ZBTB20: variants seen among roughly 807,000 people sequenced by gnomAD.
ZBTB20 encodes the protein zinc finger and BTB domain-containing protein 20.
A neutral mutation model predicts 56.9 loss-of-function variants in ZBTB20; 9 were observed. The ratio of observed to expected loss-of-function variants is 0.16; its 90% CI spans 0.10 to 0.28. The LOEUF is 0.28. ZBTB20 is among the 10% of genes least tolerant of loss of function. The pLI, the probability that ZBTB20 is intolerant of heterozygous loss-of-function variation, is 1.00. For missense variants in ZBTB20, 655 were observed against 1,003.0 expected (o/e 0.65, Z 4.69); for synonymous variants, 417 against 420.7 (o/e 0.99, Z 0.11).
chr3:115,112,296 T>C (rs2083901501), intron 1 of ZBTB20, among the ~76,000 whole-genome samples: 1 of 152,192 alleles, frequency 6.6e-6, no homozygotes, highest in Non-Finnish European at 1.5e-5. Context: ...TGAGTATTTA[T>C]AATTTCTATG....
intron 4 of ZBTB20, among the ~76,000 whole-genome samples, chr3:114,802,863 T>C (rs912737785): frequency 3.3e-5 from 5 of 151,940 alleles, no homozygotes; most frequent in African/African-American, 1.2e-4. Context: ...GAAAAGGTGA[T>C]AGAAACTAGG....
intron 1 of ZBTB20, among the ~76,000 whole-genome samples, chr3:115,107,169 G>A (rs1229334767): frequency 6.6e-6 from 1 of 152,210 alleles, no homozygotes; most frequent in Non-Finnish European, 1.5e-5. Context: ...GCTCATGCCT[G>A]TAATCTCAGC....
At chr3:115,011,846 C>T (rs2079729339) in intron 2 of ZBTB20, among the ~76,000 whole-genome samples, 1 of 151,720 alleles carries the variant, frequency 6.6e-6, no homozygotes, top group African/African-American at 2.4e-5. Context: ...AAAATAAATA[C>T]AACTTTTTGA....
intron 2 of ZBTB20, among the ~76,000 whole-genome samples, chr3:115,012,499 G>A (rs2079765234): frequency 6.6e-6 from 1 of 151,684 alleles, no homozygotes; most frequent in South Asian, 2.1e-4. Context: ...TGATAAAGGG[G>A]TTGATTGAGC....
intron 2 of ZBTB20, among the ~76,000 whole-genome samples, chr3:115,044,291 T>A (rs1405534886): frequency 6.6e-6 from 1 of 152,232 alleles, no homozygotes; most frequent in African/African-American, 2.4e-5. Flanking sequence ...TTCACCCTCT[T>A]TTATTTTGCA....
chr3:115,073,383 A>C (rs2082480883), intron 1 of ZBTB20, among the ~76,000 whole-genome samples: 1 of 152,156 alleles, frequency 6.6e-6, no homozygotes, highest in African/African-American at 2.4e-5. Flanking sequence ...TTTACAGATA[A>C]ATCTTTGGCA....
intron 3 of ZBTB20, among the ~76,000 whole-genome samples, chr3:114,954,552 G>A (rs949663496): frequency 2.0e-5 from 3 of 152,076 alleles, no homozygotes; most frequent in Non-Finnish European, 4.4e-5. Context: ...TGGTACTATG[G>A]TATGGATTAG....
chr3:114,351,126 C>G lies in ZBTB20; in HGVS notation c.952G>C (p.Val318Leu). 1.2e-6 allele frequency: 2 copies of G among 1,606,594 alleles called. No homozygotes were observed. The highest frequency in any genetic ancestry group is 1.7e-6 in the Non-Finnish European group (2 of 1,179,716). The change falls in exon 11 of 12, where the codon GTG (valine) becomes CTG (leucine). Residue 318 changes from valine to leucine, a missense_variant. By Grantham distance (32) the Val-to-Leu change is conservative. Transcript: ENST00000675478. ...TTGCCCACTAGGGTCTGGATGCGCA[C>G]AGGCCGGGGCTGCTTGCGGCAGTGC... is the stretch of plus-strand genomic sequence containing the variant. ...TTHCRKQPRP[V>L]RIQTLVGNIH...
intron 6 of ZBTB20, among the ~76,000 whole-genome samples, chr3:114,603,527 T>A (rs2056918252): frequency 6.6e-6 from 1 of 151,942 alleles, no homozygotes; most frequent in South Asian, 2.1e-4. Context: ...CTATAACTCA[T>A]TATCTAGAAG....
chr3:114,759,193 G>C (rs546401345), intron 5 of ZBTB20: 1 of 152,226 alleles, frequency 6.6e-6, no homozygotes, highest in African/African-American at 2.4e-5. Flanking sequence ...AGCTTGTCAG[G>C]GTGATTTGTT....
At chr3:115,022,449 T>G (rs1426896617) in intron 2 of ZBTB20, among the ~76,000 whole-genome samples, 1 of 151,036 alleles carries the variant, frequency 6.6e-6, no homozygotes, top group Non-Finnish European at 1.5e-5. Context: ...CAACAACATA[T>G]CATTTTGAAT....
At chr3:115,002,069 C>G (rs2079274271) in intron 2 of ZBTB20, among the ~76,000 whole-genome samples, 1 of 151,374 alleles carries the variant, frequency 6.6e-6, no homozygotes, top group South Asian at 2.1e-4. Flanking sequence ...AAGAGAGAGG[C>G]CAGAAATTGA....
intron 4 of ZBTB20, among the ~76,000 whole-genome samples, chr3:114,822,308 A>C (rs182469022): frequency 8.4e-4 from 128 of 152,176 alleles, no homozygotes; most frequent in African/African-American, 2.9e-3. Flanking sequence ...ATTACATGAA[A>C]TATGATAAAT....
intron 6 of ZBTB20, among the ~76,000 whole-genome samples, chr3:114,651,230 T>A (rs2060111489): frequency 6.6e-6 from 1 of 151,992 alleles, no homozygotes. Flanking sequence ...AAAGAAAGGC[T>A]GCATTACAAT....
At chr3:115,048,643 A>T (rs557893488) in intron 2 of ZBTB20, among the ~76,000 whole-genome samples, 2 of 152,310 alleles carry the variant, frequency 1.3e-5, no homozygotes, top group Non-Finnish European at 2.9e-5. Context: ...TCAAATTCAC[A>T]ATCGCTACTC....
chr3:115,134,947 C>T (rs144025290), intron 1 of ZBTB20, among the ~76,000 whole-genome samples: 121 of 152,298 alleles, frequency 7.9e-4, no homozygotes, highest in Middle Eastern at 6.8e-3. Context: ...TTTTTAGCCT[C>T]CAAAGACAGA....
intron 2 of ZBTB20, 52 bp from the exon 3 acceptor site, chr3:114,974,468 C>G (rs2078016641): frequency 6.6e-6 from 1 of 152,084 alleles, no homozygotes; most frequent in Non-Finnish European, 1.5e-5. Context: ...AAAACATTTG[C>G]ATTTCTATAA....
intron 7 of ZBTB20, among the ~76,000 whole-genome samples, chr3:114,395,292 A>C (rs2086235420): frequency 1.3e-5 from 2 of 152,306 alleles, no homozygotes; most frequent in Middle Eastern, 3.4e-3. Flanking sequence ...TAGAAAAAAA[A>C]GAGTTAGAAA....
chr3:114,721,578 T>C (rs752779750), intron 5 of ZBTB20, among the ~76,000 whole-genome samples: 1 of 152,164 alleles, frequency 6.6e-6, no homozygotes, highest in Non-Finnish European at 1.5e-5. Context: ...TAAGTAACTT[T>C]ATTGTTTCCA....
Sources: allele counts gnomAD v4.1 joint callset (sites outside exome capture counted in the v4.1 genomes callset), GRCh38; gene constraint gnomAD v4.1.1; transcripts MANE v1.5; gene names NCBI Gene and HGNC (gene_info 2026-07-23, HGNC 2026-07-21).